RMC1: variants seen among roughly 807,000 people sequenced by gnomAD.
RMC1 encodes regulator of MON1-CCZ1 complex.
RMC1 carries 44 observed loss-of-function variants against 95.5 expected under a neutral mutation model. The observed-to-expected ratio is 0.46, with a 90% CI of 0.36 to 0.59. The LOEUF is 0.59. RMC1 is among the 20% of genes least tolerant of loss of function. The pLI is 0.00. For missense variants in RMC1, 705 were observed against 819.6 expected, an observed-to-expected ratio of 0.86 and a Z score of 1.71; for synonymous variants, 320 against 303.6, an observed-to-expected ratio of 1.05 and a Z score of -0.56.
rs1157675333 is a variant in RMC1 at position 23,529,926 on chromosome 18, C to CT, written c.1495-98dup. ...CGAAACCACTTCTTGTAATGACAGA[C>CT]TTTTACTGTGTTGGTTAGAATAGCC... On this transcript the variant is annotated intron_variant, in intron 16 of 19. Coordinates refer to ENST00000269221, the MANE Select transcript of RMC1 (RefSeq NM_013326.5). 10 of 1,196,228 alleles carry CT rather than the reference C, an allele frequency of 8.4e-6. No individual in the cohort carries two copies. In the East Asian group the frequency reaches 1.9e-4, roughly 22 times the overall value. 74.1% of individuals were successfully genotyped at this position (1,196,228 alleles called of 1,614,324 possible).
chr18:23,529,964 G>T, intron 16 of RMC1, 64 bp from the exon 17 acceptor site: 1 of 1,419,094 alleles, frequency 7.0e-7, no homozygotes, highest in Non-Finnish European at 9.9e-7. Flanking sequence ...TCCTTGGGGA[G>T]CCTCTAGTCT....
rs1416973722 is a variant in RMC1 at position 23,524,473 on chromosome 18, G to A, written c.1051G>A (p.Ala351Thr). ...IVFQPDIIIS[A>T]SQGYLWNLQV... ...CTTTCAACCTGACATCATTATCAGCGCAAGCCAAGGTAGGTCAGCGGGGAC... is the reference window on the plus strand; with the variant it reads ...CTTTCAACCTGACATCATTATCAGCACAAGCCAAGGTAGGTCAGCGGGGAC... Residue 351 changes from alanine (A) to threonine (T), a missense_variant, in exon 12 of 20, where the codon GCA becomes ACA. Ala to Thr is a moderately conservative substitution (Grantham distance 58, BLOSUM62 0). Transcript: ENST00000269221. 7 of 1,613,858 alleles carry A rather than the reference G, an allele frequency of 4.3e-6. No homozygotes were observed. The highest frequency in any genetic ancestry group is 2.2e-5 in the East Asian group (1 of 44,894).
rs146281079 is a variant in RMC1, at chr18:23,516,366, C to A, written c.596C>A (p.Ala199Asp). The A allele has an allele frequency of 1.9e-6, 3 of 1,614,236 alleles. No homozygotes were observed. The highest frequency in any genetic ancestry group is 2.2e-5 in the South Asian group (2 of 91,084). ...CCCAAATTTGAGATTGAATTACCAGCTGCGCCTAAGTCAACTAAACCCAGC... is the reference window on the plus strand; with the variant it reads ...CCCAAATTTGAGATTGAATTACCAGATGCGCCTAAGTCAACTAAACCCAGC... ...KLPKFEIELP[A>D]APKSTKPSLS... Residue 199 changes from alanine (A) to aspartate (D), a missense_variant, in exon 7 of 20, where the codon GCT (alanine) becomes GAT (aspartate). Transcript: ENST00000269221.
At chr18:23,516,233 G>T (rs915992705) in intron 6 of RMC1, 87 bp from the exon 7 acceptor site, 2 of 1,481,236 alleles carry the variant, frequency 1.4e-6, no homozygotes, top group Non-Finnish European at 1.9e-6. Flanking sequence ...CGAAGTCTGT[G>T]TTTATCCTTG....
At chr18:23,524,074 AG>A (rs2058223316) in intron 10 of RMC1, 55 bp from the exon 11 acceptor site, 1 of 1,559,936 alleles carries the variant, frequency 6.4e-7, no homozygotes, top group Non-Finnish European at 8.8e-7. Flanking sequence ...CATAAGTACC[AG>A]CATTTGCAGC....
rs3765633 is a variant in RMC1, at chr18:23,528,094, G to T, written c.1296+193G>T. 21 of 523,612 alleles carry T rather than the reference G, an allele frequency of 4.0e-5. No homozygotes were observed. In the East Asian group the frequency reaches 7.0e-4, roughly 17 times the overall value. 32.4% of individuals were successfully genotyped at this position (523,612 alleles called of 1,614,324 possible). ...TAAATTCAGGGTCCCTGCATCCCAC[G>T]AGCTGGCGGCTGCATCTCACTTCAT... On this transcript the variant is annotated intron_variant, in intron 14 of 19. Coordinates refer to ENST00000269221, the MANE Select transcript of RMC1 (RefSeq NM_013326.5).
At chr18:23,518,457 G>C (rs1343010078) in intron 7 of RMC1, among the ~76,000 whole-genome samples, 1 of 152,024 alleles carries the variant, frequency 6.6e-6, no homozygotes, top group Admixed American at 6.5e-5. Context: ...TTGCACCACT[G>C]CATTCCAGCC....
chr18:23,514,454 G>A (rs1315504133), intron 5 of RMC1, among the ~76,000 whole-genome samples: 1 of 152,206 alleles, frequency 6.6e-6, no homozygotes, highest in Non-Finnish European at 1.5e-5. Context: ...TTACTTGGGA[G>A]GCTGAGGCAG....
At chr18:23,518,007 C>T (rs545875204) in intron 7 of RMC1, among the ~76,000 whole-genome samples, 5 of 152,214 alleles carry the variant, frequency 3.3e-5, no homozygotes, top group Non-Finnish European at 7.3e-5. Flanking sequence ...CATGAGCCGC[C>T]GTGCCCAGCC....
Position 23,529,959 on chromosome 18 carries a change from G to A in RMC1, c.1495-69G>A. The A allele has an allele frequency of 2.1e-6, 3 of 1,399,950 alleles. No individual in the cohort carries two copies. In the African/African-American group the frequency reaches 4.3e-5, roughly 20 times the overall value. 86.7% of individuals were successfully genotyped at this position (1,399,950 alleles called of 1,614,324 possible). On this transcript the variant is annotated intron_variant, in intron 16 of 19. Transcript: ENST00000269221. Reference sequence around the variant, plus strand: ...GTGTTGGTTAGAATAGCCAGTCCTTGGGGAGCCTCTAGTCTGTTGTAGCTG... The same window carrying A: ...GTGTTGGTTAGAATAGCCAGTCCTTAGGGAGCCTCTAGTCTGTTGTAGCTG...
At chr18:23,516,156 CCATTCATTCTATG>C (rs2057998994) in intron 6 of RMC1, among the ~76,000 whole-genome samples, 151 bp from the exon 7 acceptor site, 1 of 152,194 alleles carries the variant, frequency 6.6e-6, no homozygotes, top group Non-Finnish European at 1.5e-5. Flanking sequence ...GCTCCTGGAG[CCATTCATTCTATG>C]CTGGGCAGAC....
At chr18:23,530,697 G>A in intron 19 of RMC1, 85 bp downstream of exon 19, 1 of 1,319,550 alleles carries the variant, frequency 7.6e-7, no homozygotes, top group Non-Finnish European at 1.0e-6. Context: ...GAGGACCCTG[G>A]GTTAGCATTT....
At chr18:23,508,420 T>C (rs2057766906) in intron 4 of RMC1, among the ~76,000 whole-genome samples, 1 of 152,194 alleles carries the variant, frequency 6.6e-6, no homozygotes, top group African/African-American at 2.4e-5. Context: ...TCTTTTTCTG[T>C]TTCCTGAAGT....
At chr18:23,518,755 T>C in intron 7 of RMC1, 135 bp from the exon 8 acceptor site, 1 of 707,704 alleles carries the variant, frequency 1.4e-6, no homozygotes, top group Middle Eastern at 3.0e-4. Flanking sequence ...ACTGCATGTT[T>C]CTTTGTAAAC....
intron 5 of RMC1, among the ~76,000 whole-genome samples, chr18:23,514,557 CAAA>C: frequency 1.5e-5 from 2 of 133,284 alleles, no homozygotes; most frequent in African/African-American, 5.5e-5. Flanking sequence ...AACTCCGTCT[CAAA>C]AAAAAAAAAA....
At position 23,503,512 on chromosome 18, in the gene RMC1, G is replaced by GAGCCGC. The variant is rs570754803; in HGVS notation, c.-94_-89dup. 4.3e-4 allele frequency: 296 copies of GAGCCGC among 687,286 alleles called. No homozygotes were observed. Among genetic ancestry groups the GAGCCGC allele is most frequent in the East Asian group, 9.9e-4 (25 of 25,162 alleles). 42.6% of individuals were successfully genotyped at this position (687,286 alleles called of 1,614,324 possible). On this transcript the variant is annotated 5_prime_UTR_variant, in exon 1 of 20. Coordinates refer to ENST00000269221, the MANE Select transcript of RMC1 (RefSeq NM_013326.5). Reference sequence around the variant, plus strand: ...GGAAGCGGCGTCCGCGCCGGGCCCAGAGCCGCAGCCGCAGCCGCCGCTACA... The same window carrying GAGCCGC: ...GGAAGCGGCGTCCGCGCCGGGCCCAGAGCCGCAGCCGCAGCCGCAGCCGCCGCTACA...
At position 23,527,672 on chromosome 18, in the gene RMC1, T is replaced by C. The variant is rs530862224; in HGVS notation, c.1190-123T>C. 8.0e-5 allele frequency: 61 copies of C among 758,836 alleles called. 2 individuals are homozygous for C. The South Asian group carries it at 8.6e-4, about 11-fold the overall frequency. 47.0% of individuals were successfully genotyped at this position (758,836 alleles called of 1,614,324 possible). ...GCTGTCAGGTCTTTAAAGTAGAGTG[T>C]CCTTTAAAGGTACTTTTGCATTGGT... is the stretch of plus-strand genomic sequence containing the variant. On this transcript the variant is annotated intron_variant, in intron 13 of 19. Coordinates refer to ENST00000269221, the MANE Select transcript of RMC1 (RefSeq NM_013326.5).
At chr18:23,531,002 A>ATT (rs201056665) in intron 19 of RMC1, among the ~76,000 whole-genome samples, 1 of 148,874 alleles carries the variant, frequency 6.7e-6, no homozygotes, top group Non-Finnish European at 1.5e-5. Flanking sequence ...GATCATTCTC[A>ATT]TTTTTTTTTT....
intron 7 of RMC1, 54 bp from the exon 8 acceptor site, chr18:23,518,836 C>T: frequency 6.6e-7 from 1 of 1,525,232 alleles, no homozygotes; most frequent in Non-Finnish European, 9.1e-7. Flanking sequence ...CCATTTAGAA[C>T]AAAGGAATTT....
Sources: gnomAD v4.1 joint callset for allele counts (sites outside exome capture counted in the v4.1 genomes callset) on GRCh38, gnomAD v4.1.1 for gene constraint, MANE v1.5 for transcripts, NCBI Gene and HGNC (gene_info 2026-07-23, HGNC 2026-07-21) for gene names.